Variants in MGLL observed in about 807,000 individuals in gnomAD.
The protein encoded by MGLL is lysophospholipase homolog.
MGLL carries 7 observed loss-of-function variants against 29.1 expected under a neutral mutation model. That is an observed-to-expected ratio of 0.24 (90% CI 0.14 to 0.45). The LOEUF (loss-of-function observed/expected upper bound fraction) is 0.45, where lower values mean the gene tolerates loss of function less well. Among genes scored for constraint, MGLL ranks in the 20% least tolerant of loss-of-function variants. The pLI is 0.99. For missense variants in MGLL, 356 were observed against 413.6 expected, an observed-to-expected ratio of 0.86 and a Z score of 1.21; for synonymous variants, 148 against 168.3, an observed-to-expected ratio of 0.88 and a Z score of 0.93.
chr3:127,762,264 G>A (rs78526951), intron 3 of MGLL, among the ~76,000 whole-genome samples: 12 of 151,852 alleles, frequency 7.9e-5, no homozygotes, highest in East Asian at 3.9e-4. Context: ...CGTCCTCCCC[G>A]CCTGCCCTGA....
intron 5 of MGLL, 60 bp from the exon 6 acceptor site, chr3:127,710,725 C>T (rs1421175962): frequency 3.6e-6 from 5 of 1,377,020 alleles, no homozygotes; most frequent in Admixed American, 2.0e-5. Flanking sequence ...CCGGCTCTTC[C>T]GCAGTGACAG....
intron 2 of MGLL, among the ~76,000 whole-genome samples, chr3:127,810,984 T>C (rs2077652638): frequency 6.7e-6 from 1 of 149,322 alleles, no homozygotes; most frequent in African/African-American, 2.6e-5. Context: ...CTGGTGAAAG[T>C]ACAGCCATCC....
intron 3 of MGLL, among the ~76,000 whole-genome samples, chr3:127,766,803 G>T (rs2076863961): frequency 6.6e-6 from 1 of 152,188 alleles, no homozygotes; most frequent in African/African-American, 2.4e-5. Context: ...GGGGACAGTG[G>T]CTCACATCTG....
chr3:127,694,854 G>C (rs1209499404), intron 7 of MGLL, 121 bp downstream of exon 7: 56 of 887,290 alleles, frequency 6.3e-5, no homozygotes, highest in Non-Finnish European at 9.6e-5. Flanking sequence ...CAAGCAGGCT[G>C]GTCCCTATCC....
intron 2 of MGLL, among the ~76,000 whole-genome samples, chr3:127,814,204 G>A (rs2077713148): frequency 6.6e-6 from 1 of 152,194 alleles, no homozygotes; most frequent in South Asian, 2.1e-4. Context: ...CATGTTAGCA[G>A]ATGGACACAA....
In MGLL at chr3:127,822,400, C is replaced by T. The variant is rs2077878705; in HGVS notation, c.-82G>A. The T allele has an allele frequency of 1.6e-5, 24 of 1,497,896 alleles. No individual in the cohort carries two copies. The highest frequency in any genetic ancestry group is 2.1e-5 in the Non-Finnish European group (23 of 1,076,230). 92.8% of individuals were successfully genotyped at this position (1,497,896 alleles called of 1,614,324 possible). A position where few individuals can be genotyped will look rare whatever the true frequency, so the allele number is the denominator to read the frequency against. ...AAATCGGGCTGTTCCCTCATCTGGG[C>T]GGCCCCAAGGCAGCAGGAAGGCAGC... On this transcript the variant is annotated 5_prime_UTR_variant, in exon 1 of 8. Transcript: ENST00000265052.
At chr3:127,792,388 T>G (rs1647353184) in intron 2 of MGLL, among the ~76,000 whole-genome samples, 1 of 152,278 alleles carries the variant, frequency 6.6e-6, no homozygotes, top group South Asian at 2.1e-4. Context: ...CTCAAGTGCC[T>G]CAGTTGGAAA....
In MGLL at chr3:127,821,892, G is replaced by A. The variant is rs75795341; in HGVS notation, c.11-54C>T. 2,096 of 1,562,356 alleles carry A rather than the reference G, an allele frequency of 1.3e-3. 19 individuals are homozygous for A. In the African/African-American group the frequency reaches 0.026, roughly 19 times the overall value. ...TCAGAAATATCTCAAGAACATGTAT[G>A]GATAGGAGAGAAAAGTCTAGTTCAG... On this transcript the variant is annotated intron_variant, in intron 1 of 7. Transcript: ENST00000265052.
chr3:127,797,037 C>T (rs1344055659), intron 2 of MGLL, among the ~76,000 whole-genome samples: 1 of 152,076 alleles, frequency 6.6e-6, no homozygotes, highest in Admixed American at 6.5e-5. Flanking sequence ...TGCAGAGCTC[C>T]GTGGGAGGCC....
intron 3 of MGLL, among the ~76,000 whole-genome samples, chr3:127,738,678 G>C (rs146908239): frequency 6.6e-5 from 10 of 152,318 alleles, no homozygotes; most frequent in Admixed American, 6.5e-4. Flanking sequence ...TCCAGCATGG[G>C]GGAGAAGGCC....
At chr3:127,702,168 C>T (rs2075503589) in intron 6 of MGLL, among the ~76,000 whole-genome samples, 1 of 152,246 alleles carries the variant, frequency 6.6e-6, no homozygotes, top group Non-Finnish European at 1.5e-5. Flanking sequence ...CCCACTGAGC[C>T]TACCGCCTCT....
chr3:127,768,071 A>G (rs1215593352), intron 3 of MGLL, among the ~76,000 whole-genome samples: 3 of 152,200 alleles, frequency 2.0e-5, no homozygotes, highest in Non-Finnish European at 4.4e-5. Context: ...AAATCCACAA[A>G]CTCCTTGAAA....
chr3:127,737,559 C>A (rs183097125), intron 3 of MGLL, among the ~76,000 whole-genome samples: 1 of 149,810 alleles, frequency 6.7e-6, no homozygotes, highest in Non-Finnish European at 1.5e-5. Flanking sequence ...ACTGGAACAT[C>A]TGCCCGGGTC....
At chr3:127,762,225 C>T (rs2076777813) in intron 3 of MGLL, among the ~76,000 whole-genome samples, 1 of 152,150 alleles carries the variant, frequency 6.6e-6, no homozygotes, top group African/African-American at 2.4e-5. Flanking sequence ...TGAGCAGGAC[C>T]CCACTGGGCT....
At chr3:127,697,804 A>C (rs2075401268) in intron 6 of MGLL, among the ~76,000 whole-genome samples, 2 of 152,200 alleles carry the variant, frequency 1.3e-5, no homozygotes, top group African/African-American at 4.8e-5. Flanking sequence ...CTCTTGGTTA[A>C]GCTGCTGTTG....
At chr3:127,788,456 CT>C (rs1008576247) in intron 2 of MGLL, among the ~76,000 whole-genome samples, 6 of 152,158 alleles carry the variant, frequency 3.9e-5, no homozygotes, top group Admixed American at 3.9e-4. Context: ...TTCTTGACCA[CT>C]GTAATTAAAT....
At chr3:127,732,324 C>T (rs2076166504) in intron 3 of MGLL, among the ~76,000 whole-genome samples, 1 of 152,142 alleles carries the variant, frequency 6.6e-6, no homozygotes, top group African/African-American at 2.4e-5. Flanking sequence ...GATTCTTTCC[C>T]CATTTTCTAG....
chr3:127,750,498 C>A (rs1256741145), intron 3 of MGLL, among the ~76,000 whole-genome samples: 1 of 152,088 alleles, frequency 6.6e-6, no homozygotes, highest in Non-Finnish European at 1.5e-5. Context: ...GGAGAGAGAA[C>A]CATGGTGGAG....
At chr3:127,786,365 T>C (rs2077213746) in intron 2 of MGLL, among the ~76,000 whole-genome samples, 1 of 152,242 alleles carries the variant, frequency 6.6e-6, no homozygotes, top group South Asian at 2.1e-4. Context: ...GAGCCATTTA[T>C]GCAGACAAGG....
Sources: allele counts gnomAD v4.1 joint callset (sites outside exome capture counted in the v4.1 genomes callset), GRCh38; gene constraint gnomAD v4.1.1; transcripts MANE v1.5; gene names NCBI Gene and HGNC (gene_info 2026-07-23, HGNC 2026-07-21).